CYFIP2: variants seen among roughly 807,000 people sequenced by gnomAD.
CYFIP2 encodes the protein cytoplasmic FMR1 interacting protein 2.
In CYFIP2, 29 loss-of-function variants were observed where a neutral mutation model predicts 158.7. That is an observed-to-expected ratio of 0.18 (90% CI 0.14 to 0.25). The LOEUF is 0.25. Ranked by LOEUF, CYFIP2 falls within the 10% of genes least tolerant of loss-of-function variation. The pLI, the probability that CYFIP2 is intolerant of heterozygous loss-of-function variation, is 1.00. For missense variants in CYFIP2, 852 were observed against 1,639.5 expected (o/e 0.52, Z 8.29); for synonymous variants, 585 against 617.6 (o/e 0.95, Z 0.78).
Position 157,311,130 on chromosome 5 carries a change from C to T in CYFIP2, c.993-534C>T, listed in dbSNP as rs1160614153. 6.6e-6 allele frequency: 3 copies of T among 453,312 alleles called. No homozygotes were observed. The highest frequency in any genetic ancestry group is 1.4e-4 in the East Asian group (2 of 14,360). 28.1% of individuals were successfully genotyped at this position (453,312 alleles called of 1,614,324 possible). A position where few individuals can be genotyped will look rare whatever the true frequency, so the allele number is the denominator to read the frequency against. On this transcript the variant is annotated intron_variant, in intron 10 of 30. Transcript: ENST00000620254. This position sits in a 1 kb window ranked among gnomAD's most constrained non-coding sequence, Gnocchi z 4.7. ...GGGTGGGTGGAGGGAGGGGCCACCC[C>T]CACGTCTCAGAGTGGCCCTGGCTTC... is the stretch of plus-strand genomic sequence containing the variant.
rs73815874 is a variant in CYFIP2 at position 157,373,726 on chromosome 5, T to C, written c.3040-8864T>C. Among the ~76,000 whole-genome samples the C allele has an allele frequency of 2.9e-3, 449 of 152,340 alleles. 4 individuals are homozygous for C. The highest frequency in any genetic ancestry group is 9.7e-3 in the African/African-American group (404 of 41,576). On this transcript the variant is annotated intron_variant, in intron 26 of 30. Transcript: ENST00000620254. ...AGATTACAGAAGAGTAGGTATAATC[T>C]GTTCTTATTTTAAAATATATGCTGA...
intron 1 of CYFIP2, chr5:157,269,261 T>G (rs1382565698): frequency 6.6e-6 from 1 of 151,452 alleles, no homozygotes; most frequent in Non-Finnish European, 1.5e-5. Context: ...ACAAGAGAGG[T>G]GGGTGGAACC....
intron 1 of CYFIP2, among the ~76,000 whole-genome samples, chr5:157,269,830 A>G (rs1755933586): frequency 6.6e-6 from 1 of 152,216 alleles, no homozygotes; most frequent in Non-Finnish European, 1.5e-5. Flanking sequence ...TGTCTGTACA[A>G]AGACACTTCA....
At chr5:157,312,501 G>A (rs1309671308) in intron 11 of CYFIP2, among the ~76,000 whole-genome samples, 2 of 152,020 alleles carry the variant, frequency 1.3e-5, no homozygotes, top group South Asian at 2.1e-4. Flanking sequence ...CCTAATAAAT[G>A]AATATGCTGT....
chr5:157,304,969 G>A (rs1353873202), intron 8 of CYFIP2, among the ~76,000 whole-genome samples: 3 of 152,072 alleles, frequency 2.0e-5, no homozygotes, highest in Admixed American at 6.6e-5. Flanking sequence ...GGGCACCCTC[G>A]TAGCTTAGCT....
chr5:157,336,642 T>C (rs10036098), intron 21 of CYFIP2, among the ~76,000 whole-genome samples: 70,658 of 152,084 alleles, frequency 0.46, 18,265 homozygotes, highest in African/African-American at 0.71. Context: ...CTTTCGTTGA[T>C]GAGCTCTTTC....
intron 26 of CYFIP2, among the ~76,000 whole-genome samples, chr5:157,362,192 AAAG>A (rs1480709174): frequency 1.3e-5 from 2 of 152,216 alleles, no homozygotes; most frequent in African/African-American, 4.8e-5. Context: ...GGTCAGCAGA[AAAG>A]AATGTTAGCT....
In CYFIP2 at chr5:157,319,767, C is replaced by T. The variant is rs6885590; in HGVS notation, c.1362C>T (p.Ile454=). ...SEEKFAFVEV[I]AMIKGLQVLM... ...CTTGGCCTCTTCCTGCCCAGGTGAT[C>T]GCCATGATCAAAGGCCTGCAGGTGC... Residue 454 remains isoleucine (I), a synonymous_variant, in exon 14 of 31, where the codon ATC becomes ATT. Coordinates refer to ENST00000620254, the MANE Select transcript of CYFIP2 (RefSeq NM_001037333.3). The T allele has an allele frequency of 3.8e-3, 6,102 of 1,613,904 alleles. 197 individuals carry two copies. The African/African-American group carries it at 0.071, about 19-fold the overall frequency.
At chr5:157,334,336 G>A (rs1761702535) in intron 21 of CYFIP2, among the ~76,000 whole-genome samples, 2 of 152,190 alleles carry the variant, frequency 1.3e-5, no homozygotes, top group South Asian at 4.1e-4. Context: ...GGTGCTGATA[G>A]TTGCACAACC....
chr5:157,356,517 TATGTAGTCA>T (rs1763421674), intron 23 of CYFIP2, among the ~76,000 whole-genome samples: 1 of 152,230 alleles, frequency 6.6e-6, no homozygotes, highest in African/African-American at 2.4e-5. Context: ...CAAACACTTC[TATGTAGTCA>T]ACAGCCCAGT....
chr5:157,367,011 TG>T (rs1764437188), intron 26 of CYFIP2, among the ~76,000 whole-genome samples: 1 of 152,232 alleles, frequency 6.6e-6, no homozygotes, highest in Admixed American at 6.5e-5. Context: ...GCCTCTTGCC[TG>T]GAGTGTTCTT....
intron 17 of CYFIP2, 41 bp from the exon 18 acceptor site, chr5:157,326,130 G>C (rs1761002062): frequency 2.1e-6 from 3 of 1,426,562 alleles, no homozygotes; most frequent in South Asian, 2.3e-5. Flanking sequence ...TCCTTAAGGG[G>C]GGTTATTAGC....
At position 157,393,714 on chromosome 5, in the gene CYFIP2, T is replaced by G. The variant is rs1474967323; in HGVS notation, c.*714T>G. On this transcript the variant is annotated 3_prime_UTR_variant, in exon 31 of 31. Transcript: ENST00000620254. ...ATGAACACAGCCAGAAATGTCATAG[T>G]CCAAACAGGATGCTTTCAGGCCATC... 1 of 152,226 alleles carries G rather than the reference T, an allele frequency of 6.6e-6. No individual in the cohort carries two copies. The highest frequency in any genetic ancestry group is 2.4e-5 in the African/African-American group (1 of 41,448). The allele number at this position is 152,226 out of a possible 1,614,324, so 9.4% of individuals were successfully genotyped here.
Position 157,394,359 on chromosome 5 carries a change from G to C in CYFIP2, c.*1359G>C, listed in dbSNP as rs1767582601. On this transcript the variant is annotated 3_prime_UTR_variant, in exon 31 of 31. Coordinates refer to ENST00000620254, the MANE Select transcript of CYFIP2 (RefSeq NM_001037333.3). Reference sequence around the variant, plus strand: ...TTTAAGAACATAAAATGTGACATTTGATATTTCTCCAGCCCAGGGAAGTAA... The same window carrying C: ...TTTAAGAACATAAAATGTGACATTTCATATTTCTCCAGCCCAGGGAAGTAA... 1 of 152,202 alleles carries C rather than the reference G, an allele frequency of 6.6e-6. No individual in the cohort carries two copies. The highest frequency in any genetic ancestry group is 6.5e-5 in the Admixed American group (1 of 15,282). The allele number at this position is 152,202 out of a possible 1,614,324, so 9.4% of individuals were successfully genotyped here.
Position 157,382,733 on chromosome 5 carries a change from C to T in CYFIP2, c.3112+71C>T. On this transcript the variant is annotated intron_variant, in intron 27 of 30. Coordinates refer to ENST00000620254, the MANE Select transcript of CYFIP2 (RefSeq NM_001037333.3). The stretch of plus-strand genomic sequence containing the variant: ...CTTATTCTCACTTCCTAATTGCAGT[C>T]AACTCAGATCTAGTCAGCAAGGGGG... 2.1e-6 allele frequency: 3 copies of T among 1,438,428 alleles called. No individual in the cohort carries two copies. The South Asian group carries it at 3.6e-5, about 17-fold the overall frequency. 89.1% of individuals were successfully genotyped at this position (1,438,428 alleles called of 1,614,324 possible).
chr5:157,379,192 C>T (rs1273193433), intron 26 of CYFIP2, among the ~76,000 whole-genome samples: 1 of 152,092 alleles, frequency 6.6e-6, no homozygotes, highest in African/African-American at 2.4e-5. Context: ...CCCTCTCTTC[C>T]TTTCAAAATT....
intron 30 of CYFIP2, among the ~76,000 whole-genome samples, chr5:157,391,650 T>C (rs1304234158): frequency 6.6e-6 from 1 of 152,252 alleles, no homozygotes; most frequent in African/African-American, 2.4e-5. Context: ...GCATTGTGTA[T>C]ATAGACCACG....
intron 28 of CYFIP2, chr5:157,384,746 C>G: frequency 6.3e-6 from 2 of 319,046 alleles, no homozygotes; most frequent in South Asian, 2.6e-5. Flanking sequence ...TCGAGACCAG[C>G]CTGGCCAACA....
chr5:157,327,513 C>T (rs577746370), intron 18 of CYFIP2, among the ~76,000 whole-genome samples: 6 of 150,510 alleles, frequency 4.0e-5, no homozygotes, highest in Non-Finnish European at 5.9e-5. Flanking sequence ...TGCAGTGAGC[C>T]GAGATCACAC....
Sources: allele counts gnomAD v4.1 joint callset (sites outside exome capture counted in the v4.1 genomes callset), GRCh38; gene constraint gnomAD v4.1.1; non-coding constraint Gnocchi (gnomAD v3.1); transcripts MANE v1.5; gene names NCBI Gene and HGNC (gene_info 2026-07-23, HGNC 2026-07-21).